Variants in DNAJB11 observed in about 807,000 individuals in gnomAD.
DNAJB11 encodes DnaJ heat shock protein family (Hsp40) member B11.
A neutral mutation model predicts 47.2 loss-of-function variants in DNAJB11; 30 were observed. The observed-to-expected ratio is 0.64, with a 90% CI of 0.48 to 0.86. The LOEUF is 0.86. Among genes scored for constraint, DNAJB11 ranks in the 40% least tolerant of loss-of-function variants. The pLI, the probability that DNAJB11 is intolerant of heterozygous loss-of-function variation, is 0.00. For missense variants in DNAJB11, 357 were observed against 440.2 expected (o/e 0.81, Z 1.69); for synonymous variants, 151 against 159.9 (o/e 0.94, Z 0.42).
At position 186,570,721 on chromosome 3, in the gene DNAJB11, C is replaced by G. The variant is rs943871538; in HGVS notation, c.-177C>G. The G allele has an allele frequency of 4.7e-6, 3 of 636,460 alleles. No individual in the cohort carries two copies. Among genetic ancestry groups the G allele is most frequent in the African/African-American group, 3.8e-5 (2 of 52,514 alleles). 39.4% of individuals were successfully genotyped at this position (636,460 alleles called of 1,614,324 possible). Reference sequence around the variant, plus strand: ...GGGCTTCTCTCACCGGGACTCGGGACTCCCGGGAAGTGGACCGGCAGAAGA... The same window carrying G: ...GGGCTTCTCTCACCGGGACTCGGGAGTCCCGGGAAGTGGACCGGCAGAAGA... On this transcript the variant is annotated 5_prime_UTR_variant, in exon 1 of 10. Transcript: ENST00000265028.
At chr3:186,576,699 G>C (rs1267646893) in intron 3 of DNAJB11, among the ~76,000 whole-genome samples, 1 of 152,138 alleles carries the variant, frequency 6.6e-6, no homozygotes, top group Admixed American at 6.5e-5. Flanking sequence ...TGAGGGGCCT[G>C]GGGTGGGGGA....
intron 2 of DNAJB11, 75 bp downstream of exon 2, chr3:186,572,326 C>G: frequency 7.7e-7 from 1 of 1,301,370 alleles, no homozygotes; most frequent in East Asian, 2.4e-5. Context: ...GAGAAACACT[C>G]CTTTCAGCTC....
chr3:186,575,368 C>CGCGTGTGT (rs1406330956), intron 2 of DNAJB11, among the ~76,000 whole-genome samples: 36 of 143,458 alleles, frequency 2.5e-4, no homozygotes, highest in African/African-American at 7.3e-4. Flanking sequence ...CGCGCGCGCG[C>CGCGTGTGT]GTGTGTGTGT....
Position 186,583,996 on chromosome 3 carries a change from C to A in DNAJB11, c.852+20C>A. ...CACAAGGTAAACAAACCAATTTACTCGTTCTGCATCCTTTTGAAGCCTTTA... is the reference window on the plus strand; with the variant it reads ...CACAAGGTAAACAAACCAATTTACTAGTTCTGCATCCTTTTGAAGCCTTTA... On this transcript the variant is annotated intron_variant, in intron 8 of 9. Coordinates refer to ENST00000265028, the MANE Select transcript of DNAJB11 (RefSeq NM_016306.6). The A allele has an allele frequency of 6.5e-7, 1 of 1,544,892 alleles. No homozygotes were observed. The highest frequency in any genetic ancestry group is 1.1e-5 in the South Asian group (1 of 89,490).
intron 1 of DNAJB11, 80 bp from the exon 2 acceptor site, chr3:186,572,015 T>A: frequency 3.9e-6 from 5 of 1,289,978 alleles, no homozygotes; most frequent in Non-Finnish European, 5.3e-6. Flanking sequence ...AACCTAAATG[T>A]AGAGGAAAAA....
At chr3:186,584,914 A>AT (rs1715630030) in intron 9 of DNAJB11, among the ~76,000 whole-genome samples, 1 of 152,180 alleles carries the variant, frequency 6.6e-6, no homozygotes, top group African/African-American at 2.4e-5. Flanking sequence ...CTGTAGAAAG[A>AT]TTAGAAGCTT....
chr3:186,571,953 G>T, intron 1 of DNAJB11, 142 bp from the exon 2 acceptor site: 1 of 544,690 alleles, frequency 1.8e-6, no homozygotes. Context: ...CATTCTTTGT[G>T]TGTGTATGTG....
chr3:186,575,313 C>A (rs1715233763), intron 2 of DNAJB11, among the ~76,000 whole-genome samples: 1 of 151,838 alleles, frequency 6.6e-6, no homozygotes. Context: ...CTCTGGAGGG[C>A]CTGTCATTTG....
chr3:186,579,450 C>G (rs1338380367), intron 4 of DNAJB11: 2 of 152,144 alleles, frequency 1.3e-5, no homozygotes, highest in Non-Finnish European at 2.9e-5. Context: ...TTATTTCTTA[C>G]TCTATATCAT....
intron 1 of DNAJB11, among the ~76,000 whole-genome samples, chr3:186,571,665 G>GA (rs1715061229): frequency 6.6e-6 from 1 of 152,176 alleles, no homozygotes; most frequent in Non-Finnish European, 1.5e-5. Context: ...TTTAAAGAAG[G>GA]AAAATCATCC....
chr3:186,580,643 C>T (rs1715453489), intron 4 of DNAJB11: 1 of 152,144 alleles, frequency 6.6e-6, no homozygotes, highest in Non-Finnish European at 1.5e-5. Flanking sequence ...TTGACCTGGG[C>T]CTTTCATATG....
chr3:186,583,405 T>C (rs1715552743), intron 7 of DNAJB11, among the ~76,000 whole-genome samples: 1 of 152,244 alleles, frequency 6.6e-6, no homozygotes, highest in Non-Finnish European at 1.5e-5. Flanking sequence ...CTTGTCTTTA[T>C]CATCACTTCT....
Position 186,582,005 on chromosome 3 carries a change from G to A in DNAJB11, c.610G>A (p.Glu204Lys). The change falls in exon 6 of 10, where the codon GAA (glutamate) becomes AAA (lysine). Residue 204 changes from glutamate to lysine, a missense_variant. Glu to Lys is a moderately conservative substitution (Grantham distance 56). Transcript: ENST00000265028. The stretch of plus-strand genomic sequence containing the variant: ...TTCTCTTTACCTCAGACTAGTGAAT[G>A]AAGAACGAACGCTGGAAGTAGAAAT... ...DECPNVKLVN[E>K]ERTLEVEIEP... 6.2e-7 allele frequency: 1 copy of A among 1,613,406 alleles called. No individual in the cohort carries two copies. Among genetic ancestry groups the A allele is most frequent in the Non-Finnish European group, 8.5e-7 (1 of 1,179,530 alleles).
Position 186,585,368 on chromosome 3 carries a change from GGTCAGT to G in DNAJB11, c.1039_1044del (p.Ser347_Val348del). On this transcript the variant is annotated inframe_deletion, in exon 10 of 10. Transcript: ENST00000265028. ...GGTATCAAACAGCTACTGAAACAAG[GGTCAGT>G]GCAGAAGGTATACAATGGACTGCAA... 1.9e-6 allele frequency: 3 copies of G among 1,612,188 alleles called. No individual in the cohort carries two copies. Among genetic ancestry groups the G allele is most frequent in the Non-Finnish European group, 2.5e-6 (3 of 1,179,254 alleles).
At chr3:186,579,220 C>A (rs9833880) in intron 4 of DNAJB11, 1 of 152,014 alleles carries the variant, frequency 6.6e-6, no homozygotes. Flanking sequence ...TTATTTTTTA[C>A]AATTCTATCA....
In DNAJB11 at chr3:186,576,101, T is replaced by C. The variant is rs2280389; in HGVS notation, c.323+164T>C. ...TCCCTGTGGGAAGATAGTCTTCTAT[T>C]TTCACAAAGCTTCAGGAAAGACTGA... On this transcript the variant is annotated intron_variant, in intron 3 of 9. Coordinates refer to ENST00000265028, the MANE Select transcript of DNAJB11 (RefSeq NM_016306.6). Among the ~76,000 whole-genome samples, 40,414 of 152,120 alleles carry C rather than the reference T, an allele frequency of 0.27. 6,758 individuals are homozygous for C. Among genetic ancestry groups the C allele is most frequent in the African/African-American group, 0.47 (19,621 of 41,472 alleles).
At chr3:186,575,971 T>A (rs767482651) in intron 3 of DNAJB11, 34 bp downstream of exon 3, 7 of 1,461,882 alleles carry the variant, frequency 4.8e-6, no homozygotes, top group Non-Finnish European at 6.7e-6. Flanking sequence ...AGTGTTAGTG[T>A]CTGAGAGAGG....
intron 4 of DNAJB11, chr3:186,579,747 G>GTT (rs1337440306): frequency 6.6e-6 from 1 of 152,274 alleles, no homozygotes. Context: ...GGTGTTTTTT[G>GTT]TTTTGTTTGC....
intron 3 of DNAJB11, among the ~76,000 whole-genome samples, chr3:186,577,238 G>A (rs1715331059): frequency 6.6e-6 from 1 of 152,088 alleles, no homozygotes; most frequent in African/African-American, 2.4e-5. Flanking sequence ...TAAAATTACC[G>A]ATAAAAATTT....
Sources: gnomAD v4.1 joint callset for allele counts (sites outside exome capture counted in the v4.1 genomes callset) on GRCh38, gnomAD v4.1.1 for gene constraint, MANE v1.5 for transcripts, NCBI Gene and HGNC (gene_info 2026-07-23, HGNC 2026-07-21) for gene names.